The following ANHX variants were observed in gnomAD, a reference collection of about 807,000 sequenced individuals.
The protein encoded by ANHX is anomalous homeobox protein.
Under a neutral mutation model 38.9 loss-of-function variants are expected in ANHX, and 20 were observed. The ratio of observed to expected loss-of-function variants is 0.51; its 90% CI spans 0.36 to 0.75. The LOEUF is 0.75. Ranked by LOEUF, ANHX falls within the 30% of genes least tolerant of loss-of-function variation. The pLI, the probability that ANHX is intolerant of heterozygous loss-of-function variation, is 0.00. For missense variants in ANHX, 475 were observed against 493.1 expected, an observed-to-expected ratio of 0.96 and a Z score of 0.35; for synonymous variants, 185 against 203.1, an observed-to-expected ratio of 0.91 and a Z score of 0.76.
At chr12:133,231,740 A>C (rs1357719737) in intron 2 of ANHX, 96 bp from the exon 3 acceptor site, 2 of 1,446,676 alleles carry the variant, frequency 1.4e-6, no homozygotes, top group Non-Finnish European at 1.8e-6. Context: ...AGCCTTGGGG[A>C]AGGCAGTGAT....
Position 133,219,290 on chromosome 12 carries a change from G to A in ANHX, c.1358C>T (p.Ser453Phe). 6.5e-7 allele frequency: 1 copy of A among 1,535,300 alleles called. No homozygotes were observed. Among genetic ancestry groups the A allele is most frequent in the Non-Finnish European group, 8.7e-7 (1 of 1,146,774 alleles). The stretch of plus-strand genomic sequence containing the variant: ...CTCATAGGGAAGCCTCACCTGGCTG[G>A]AGGGCAGGGCCTGGCTCAGCTCCAT... ...SAMELSQALP[S>F]SQVQCSDSQA... Residue 453 changes from serine (S) to phenylalanine (F), a missense_variant, in exon 9 of 10, where the codon TCC (serine) becomes TTC (phenylalanine). Coordinates refer to ENST00000545940, the MANE Select transcript of ANHX (RefSeq NM_001372060.1).
At chr12:133,224,376 A>C (rs1593959372) in intron 7 of ANHX, among the ~76,000 whole-genome samples, 1 of 152,230 alleles carries the variant, frequency 6.6e-6, no homozygotes, top group Non-Finnish European at 1.5e-5. Flanking sequence ...ATATAGGTAA[A>C]TTTGGCTGGG....
At chr12:133,226,142 C>G (rs1043505732) in intron 6 of ANHX, among the ~76,000 whole-genome samples, 176 bp downstream of exon 6, 3 of 152,182 alleles carry the variant, frequency 2.0e-5, no homozygotes, top group African/African-American at 7.2e-5. Context: ...AAGCCACCCC[C>G]ACCCCAGTCC....
rs950633948 is a variant in ANHX at position 133,218,612 on chromosome 12, G to A, written c.*273C>T. 1.4e-5 allele frequency: 4 copies of A among 291,340 alleles called. No individual in the cohort carries two copies. Among genetic ancestry groups the A allele is most frequent in the East Asian group, 1.1e-4 (2 of 17,420 alleles). 18.0% of individuals were successfully genotyped at this position (291,340 alleles called of 1,614,324 possible). A position where few individuals can be genotyped will look rare whatever the true frequency, so the allele number is the denominator to read the frequency against. Reference sequence around the variant, plus strand: ...TCTCTGCACGAGTGCCCCGGAGCCCGACTGATCCAGTGCTGCGTGAGTGGG... The same window carrying A: ...TCTCTGCACGAGTGCCCCGGAGCCCAACTGATCCAGTGCTGCGTGAGTGGG... On this transcript the variant is annotated 3_prime_UTR_variant, in exon 10 of 10. Transcript: ENST00000545940.
intron 7 of ANHX, among the ~76,000 whole-genome samples, chr12:133,224,694 G>GCA (rs1566404314): frequency 6.8e-6 from 1 of 147,734 alleles, no homozygotes; most frequent in Non-Finnish European, 1.5e-5. Context: ...TGCTGGGCGT[G>GCA]GTGGCTCACG....
In ANHX at chr12:133,234,278, T is replaced by A; in HGVS notation, c.79A>T (p.Arg27Ter). The A allele has an allele frequency of 6.5e-7, 1 of 1,536,192 alleles. No homozygotes were observed. Among genetic ancestry groups the A allele is most frequent in the Non-Finnish European group, 8.7e-7 (1 of 1,146,910 alleles). Residue 27 changes from arginine to a stop codon, truncating the protein, a stop_gained, in exon 2 of 10, where the codon AGA becomes TGA. Transcript: ENST00000545940. LOFTEE classifies it high-confidence loss of function. ...PPAELVTLAG[R>*]LCRDFQDDLA... is the part of the protein sequence containing the mutation. ...TCATCCTGGAAGTCCCGGCACAGTCTGCCCGCAAGGGTCACCAGCTCCGCC... is the reference window on the plus strand; with the variant it reads ...TCATCCTGGAAGTCCCGGCACAGTCAGCCCGCAAGGGTCACCAGCTCCGCC...
chr12:133,227,207 G>T, intron 4 of ANHX, 55 bp from the exon 5 acceptor site: 1 of 1,483,096 alleles, frequency 6.7e-7, no homozygotes, highest in Non-Finnish European at 9.0e-7. Flanking sequence ...AGGACAGGGG[G>T]TGTGCAGAAG....
At position 133,234,325 on chromosome 12, in the gene ANHX, T is replaced by C. The variant is rs752971763; in HGVS notation, c.32A>G (p.His11Arg). The C allele has an allele frequency of 2.6e-6, 4 of 1,536,056 alleles. No homozygotes were observed. The South Asian group carries it at 3.6e-5, about 14-fold the overall frequency. Residue 11 changes from histidine to arginine, a missense_variant, in exon 2 of 10, where the codon CAT becomes CGT. By Grantham distance (29) the His-to-Arg change is conservative (BLOSUM62 0). Transcript: ENST00000545940. ...CGCCGGGGGTGCACAGGTGTCCTCA[T>C]GCTCCTTCAGCAGAGTCAGGAAGCT... MQSFLTLLKE[H>R]EDTCAPPAEL...
chr12:133,224,756 G>A (rs1376804822), intron 7 of ANHX, among the ~76,000 whole-genome samples: 8 of 150,906 alleles, frequency 5.3e-5, no homozygotes, highest in Admixed American at 6.6e-5. Flanking sequence ...ATGAGGTCAG[G>A]AGATCAAGAC....
In ANHX at chr12:133,234,093, G is replaced by A; in HGVS notation, c.249+15C>T. The A allele has an allele frequency of 6.5e-7, 1 of 1,534,686 alleles. No individual in the cohort carries two copies. The highest frequency in any genetic ancestry group is 8.7e-7 in the Non-Finnish European group (1 of 1,146,662). On this transcript the variant is annotated intron_variant, in intron 2 of 9. Coordinates refer to ENST00000545940, the MANE Select transcript of ANHX (RefSeq NM_001372060.1). ...CTACCTCTCTCTGTACCCTACCCCTGTAGCCCAGGCCTACCTCCAGGAGGC... is the reference window on the plus strand; with the variant it reads ...CTACCTCTCTCTGTACCCTACCCCTATAGCCCAGGCCTACCTCCAGGAGGC...
At position 133,234,072 on chromosome 12, in the gene ANHX, C is replaced by T. The variant is rs758809306; in HGVS notation, c.249+36G>A. The T allele has an allele frequency of 9.8e-6, 15 of 1,524,846 alleles. 2 individuals are homozygous for T. In the South Asian group the frequency reaches 1.8e-4, roughly 18 times the overall value. 94.5% of individuals were successfully genotyped at this position (1,524,846 alleles called of 1,614,324 possible). A position where few individuals can be genotyped will look rare whatever the true frequency, so the allele number is the denominator to read the frequency against. ...GGAGGCTGCCTAAAGAAGTTGCTAC[C>T]TCTCTCTGTACCCTACCCCTGTAGC... On this transcript the variant is annotated intron_variant, in intron 2 of 9. Coordinates refer to ENST00000545940, the MANE Select transcript of ANHX (RefSeq NM_001372060.1).
chr12:133,226,479 T>G (rs576003532), intron 5 of ANHX, 41 bp from the exon 6 acceptor site: 209 of 1,508,676 alleles, frequency 1.4e-4, no homozygotes, highest in Non-Finnish European at 1.9e-5. Context: ...AGTGAGGCTC[T>G]GGTTCCCAAC....
At chr12:133,219,765 T>C (rs547263977) in intron 8 of ANHX, among the ~76,000 whole-genome samples, 1 of 152,136 alleles carries the variant, frequency 6.6e-6, no homozygotes, top group Admixed American at 6.5e-5. Context: ...CTCCTGGGCA[T>C]GCACCATGAG....
chr12:133,225,706 G>T lies in ANHX; in HGVS notation c.962C>A (p.Ser321Tyr), dbSNP rs1241618378. ...LAAGNDMLNP[S>Y]LAAPESWLMS... ...CAGCCAAGATTCAGGGGCAGCCAGA[G>T]AGGGGTTCAGCATGTCATTGCCAGC... The change falls in exon 7 of 10, where the codon TCT (serine) becomes TAT (tyrosine). Residue 321 changes from serine (S) to tyrosine (Y), a missense_variant. Ser to Tyr is a moderately radical substitution (Grantham distance 144). Coordinates refer to ENST00000545940, the MANE Select transcript of ANHX (RefSeq NM_001372060.1). Among the ~76,000 whole-genome samples the T allele has an allele frequency of 6.6e-6, 1 of 152,246 alleles. No homozygotes were observed. The highest frequency in any genetic ancestry group is 1.5e-5 in the Non-Finnish European group (1 of 68,048).
At position 133,227,069 on chromosome 12, in the gene ANHX, A is replaced by T; in HGVS notation, c.585T>A (p.Leu195=). The change falls in exon 5 of 10, where the codon CTT becomes CTA. Residue 195 remains leucine (L), a synonymous_variant. Coordinates refer to ENST00000545940, the MANE Select transcript of ANHX (RefSeq NM_001372060.1). ...GCTGGGCTGGCTTCATGTGCTGGGGAAGGGCTCTTTGGCGGCGCCGGTAAT... is the reference window on the plus strand; with the variant it reads ...GCTGGGCTGGCTTCATGTGCTGGGGTAGGGCTCTTTGGCGGCGCCGGTAAT... The part of the protein sequence containing the change: ...FANYRRRQRA[L]PQHMKPAQQA... The T allele has an allele frequency of 6.5e-7, 1 of 1,536,004 alleles. No homozygotes were observed. Among genetic ancestry groups the T allele is most frequent in the Non-Finnish European group, 8.7e-7 (1 of 1,146,870 alleles).
chr12:133,234,408 C>T, intron 1 of ANHX, 30 bp from the exon 2 acceptor site: 3 of 1,501,850 alleles, frequency 2.0e-6, no homozygotes, highest in Admixed American at 2.0e-5. Context: ...CAAGAATGGC[C>T]ACCACTGACC....
intron 2 of ANHX, 98 bp from the exon 3 acceptor site, chr12:133,231,742 G>T: frequency 7.0e-7 from 1 of 1,418,968 alleles, no homozygotes; most frequent in Non-Finnish European, 9.4e-7. Flanking sequence ...CCTTGGGGAA[G>T]GCAGTGATGG....
chr12:133,226,407 G>A lies in ANHX; in HGVS notation c.750C>T (p.Ser250=). The A allele has an allele frequency of 6.5e-7, 1 of 1,535,984 alleles. No individual in the cohort carries two copies. Among genetic ancestry groups the A allele is most frequent in the South Asian group, 1.2e-5 (1 of 84,052 alleles). The change falls in exon 6 of 10, where the codon TCC becomes TCT. Residue 250 remains serine, a synonymous_variant. Coordinates refer to ENST00000545940, the MANE Select transcript of ANHX (RefSeq NM_001372060.1). ...CCCATGGTCCTTGGGTGGTCTGTGG[G>A]GACTGTGGAGGCCCCTTTTCCTCAC... ...EEREEKGPPQ[S]PQTTQGPWEP... is the part of the protein sequence containing the mutation.
At chr12:133,219,810 G>A (rs1448302999) in intron 8 of ANHX, among the ~76,000 whole-genome samples, 1 of 152,106 alleles carries the variant, frequency 6.6e-6, no homozygotes, top group Non-Finnish European at 1.5e-5. Flanking sequence ...TACACATACA[G>A]GATGTTCACA....
Sources: allele counts gnomAD v4.1 joint callset (sites outside exome capture counted in the v4.1 genomes callset), GRCh38; gene constraint gnomAD v4.1.1; transcripts MANE v1.5; gene names NCBI Gene and HGNC (gene_info 2026-07-23, HGNC 2026-07-21).